The following TPPP variants were observed in gnomAD, a reference collection of about 807,000 sequenced individuals.
The protein encoded by TPPP is tubulin polymerization promoting protein.
A neutral mutation model predicts 15.5 loss-of-function variants in TPPP; 6 were observed. The ratio of observed to expected loss-of-function variants is 0.39; its 90% CI spans 0.21 to 0.77. TPPP has a LOEUF of 0.77. TPPP is among the 30% of genes least tolerant of loss of function. The pLI is 0.42. For missense variants in TPPP, 269 were observed against 307.2 expected (o/e 0.88, Z 0.93); for synonymous variants, 146 against 133.9 (o/e 1.09, Z -0.63).
intron 2 of TPPP, among the ~76,000 whole-genome samples, chr5:671,686 C>T (rs547635518): frequency 1.3e-3 from 192 of 152,358 alleles, no homozygotes; most frequent in Middle Eastern, 6.8e-3. Context: ...CAGCCACAGA[C>T]GTCCATGGCC....
chr5:678,700 G>A (rs1740531764), intron 1 of TPPP, among the ~76,000 whole-genome samples: 1 of 151,798 alleles, frequency 6.6e-6, no homozygotes, highest in Non-Finnish European at 1.5e-5. Context: ...CCCGGCCAGG[G>A]GAGGGGACTG....
At chr5:667,870 C>G (rs71585295) in intron 2 of TPPP, among the ~76,000 whole-genome samples, 18 of 68,620 alleles carry the variant, frequency 2.6e-4, no homozygotes, top group African/African-American at 1.0e-3. Context: ...AGGGAAGTAC[C>G]GACAAGCACA....
rs770479723 is a variant in TPPP, at chr5:665,322, GC to G, written c.466-27del. The stretch of plus-strand genomic sequence containing the variant: ...CTGCAAGAGGAGCAGGAGGAAGGGG[GC>G]AGGTGAGTTGCGAGCCAGGTGAGGC... On this transcript the variant is annotated intron_variant, in intron 3 of 3. Coordinates refer to ENST00000360578, the MANE Select transcript of TPPP (RefSeq NM_007030.3). 2.9e-5 allele frequency: 46 copies of G among 1,599,756 alleles called. No individual in the cohort carries two copies. In the Admixed American group the frequency reaches 6.5e-4, roughly 23 times the overall value.
chr5:677,558 G>A (rs1224077290), intron 2 of TPPP, among the ~76,000 whole-genome samples, 192 bp downstream of exon 2: 1 of 152,124 alleles, frequency 6.6e-6, no homozygotes, highest in Non-Finnish European at 1.5e-5. Flanking sequence ...GCAATGCCCG[G>A]ACCCCTGCTC....
chr5:666,189 G>A, intron 2 of TPPP, 66 bp from the exon 3 acceptor site: 1 of 1,567,582 alleles, frequency 6.4e-7, no homozygotes, highest in Non-Finnish European at 8.6e-7. Context: ...CCCACGCGTG[G>A]GTCTGAGCAG....
At chr5:683,580 C>T (rs1023778734) in intron 1 of TPPP, among the ~76,000 whole-genome samples, 2 of 152,216 alleles carry the variant, frequency 1.3e-5, no homozygotes, top group East Asian at 1.9e-4. Flanking sequence ...AGGAATCCAA[C>T]GTGCTGTGAC....
chr5:672,383 A>G (rs1415855298), intron 2 of TPPP, among the ~76,000 whole-genome samples: 1 of 152,214 alleles, frequency 6.6e-6, no homozygotes, highest in Non-Finnish European at 1.5e-5. Flanking sequence ...CCAGGTGTCT[A>G]TAGGAAACGT....
intron 2 of TPPP, among the ~76,000 whole-genome samples, chr5:669,222 G>A (rs1740092357): frequency 6.6e-6 from 1 of 152,178 alleles, no homozygotes; most frequent in Admixed American, 6.5e-5. Flanking sequence ...GCACATTCCA[G>A]ACCCGCCGGC....
At chr5:676,567 C>T (rs965755992) in intron 2 of TPPP, 4 of 152,322 alleles carry the variant, frequency 2.6e-5, no homozygotes, top group African/African-American at 4.8e-5. Flanking sequence ...CACAGGAGGA[C>T]GCAGGTGCAA....
In TPPP at chr5:665,222, G is replaced by A. The variant is rs1228936623; in HGVS notation, c.540C>T (p.Phe180=). ...TKFTGSHKER[F]DPSGKGKGKA... is the part of the protein sequence containing the mutation. ...TGCCCTTGCCCTTGCCAGAGGGGTCGAAGCGCTCCTTGTGGGAGCCCGTGA... is the reference window on the plus strand; with the variant it reads ...TGCCCTTGCCCTTGCCAGAGGGGTCAAAGCGCTCCTTGTGGGAGCCCGTGA... Residue 180 remains phenylalanine, a synonymous_variant, in exon 4 of 4, where the codon TTC becomes TTT. Coordinates refer to ENST00000360578, the MANE Select transcript of TPPP (RefSeq NM_007030.3). 4.3e-6 allele frequency: 7 copies of A among 1,613,742 alleles called. No homozygotes were observed. The highest frequency in any genetic ancestry group is 1.3e-5 in the African/African-American group (1 of 74,922).
chr5:675,505 G>GCGGGGGGCA (rs1740398398), intron 2 of TPPP, among the ~76,000 whole-genome samples: 12 of 81,756 alleles, frequency 1.5e-4, no homozygotes, highest in South Asian at 9.5e-4. Context: ...GGCCGGGGCT[G>GCGGGGGGCA]CAGTGTGACC....
chr5:670,766 A>C (rs1038062923), intron 2 of TPPP, among the ~76,000 whole-genome samples: 1 of 152,170 alleles, frequency 6.6e-6, no homozygotes, highest in East Asian at 1.9e-4. Flanking sequence ...CAAGATACAG[A>C]GGACCTAGAG....
chr5:676,886 G>A (rs934658927), intron 2 of TPPP, among the ~76,000 whole-genome samples: 3 of 128,902 alleles, frequency 2.3e-5, no homozygotes, highest in Non-Finnish European at 4.5e-5. Context: ...ATGCACACAC[G>A]ACGCAGAAAC....
chr5:698,499 T>C, the TPPP span, among the ~76,000 whole-genome samples: 1 of 151,996 alleles, frequency 6.6e-6, no homozygotes, highest in Non-Finnish European at 1.5e-5. Flanking sequence ...GACTTACAGT[T>C]CCACACGGCT....
intron 2 of TPPP, among the ~76,000 whole-genome samples, chr5:666,456 C>T (rs895164260): frequency 6.6e-5 from 10 of 152,228 alleles, no homozygotes; most frequent in African/African-American, 1.7e-4. Flanking sequence ...CGCCCAGCTG[C>T]GCCGGGAGCT....
rs376019751 is a variant in TPPP at position 678,708 on chromosome 5, C to A, written c.-4-644G>T. 1.3e-4 allele frequency among the ~76,000 whole-genome samples: 20 copies of A among 152,014 alleles called. No homozygotes were observed. In the East Asian group the frequency reaches 3.9e-3, roughly 29 times the overall value. On this transcript the variant is annotated intron_variant, in intron 1 of 3. Transcript: ENST00000360578. Reference sequence around the variant, plus strand: ...GCCTGGCCCCGGCCAGGGGAGGGGACTGCCAGTGTGCAGGGCTGAGGCAGT... The same window carrying A: ...GCCTGGCCCCGGCCAGGGGAGGGGAATGCCAGTGTGCAGGGCTGAGGCAGT...
intron 1 of TPPP, among the ~76,000 whole-genome samples, chr5:682,708 G>C (rs1740661523): frequency 6.6e-6 from 1 of 152,228 alleles, no homozygotes; most frequent in South Asian, 2.1e-4. Context: ...CTGTTTTAAA[G>C]GTAGCAGCAG....
intron 1 of TPPP, among the ~76,000 whole-genome samples, chr5:682,849 T>C (rs577975141): frequency 5.5e-4 from 83 of 152,216 alleles, no homozygotes; most frequent in Non-Finnish European, 8.1e-4. Context: ...GTGGACAGGC[T>C]GTGCTCACAT....
intron 2 of TPPP, among the ~76,000 whole-genome samples, chr5:677,371 T>C (rs1225234417): frequency 6.6e-6 from 1 of 152,144 alleles, no homozygotes; most frequent in Admixed American, 6.5e-5. Context: ...CCCCCACTCC[T>C]GGGGAAGCCC....
Sources: allele counts gnomAD v4.1 joint callset (sites outside exome capture counted in the v4.1 genomes callset), GRCh38; gene constraint gnomAD v4.1.1; transcripts MANE v1.5; gene names NCBI Gene and HGNC (gene_info 2026-07-23, HGNC 2026-07-21).